PCDHGB1: variants seen among roughly 807,000 people sequenced by gnomAD.
The protein encoded by PCDHGB1 is protocadherin gamma-B1.
In PCDHGB1, 34 loss-of-function variants were observed where a neutral mutation model predicts 56.6. The ratio of observed to expected loss-of-function variants is 0.60; its 90% confidence interval spans 0.46 to 0.80. The LOEUF (loss-of-function observed/expected upper bound fraction) is 0.80. PCDHGB1 is among the 30% of genes least tolerant of loss of function. PCDHGB1 has a pLI of 0.00. For missense variants in PCDHGB1, 1,278 were observed against 1,204.6 expected (o/e 1.06, Z -0.90); for synonymous variants, 561 against 505.9 (o/e 1.11, Z -1.46).
At chr5:141,376,274 G>A (rs773118142) in intron 1 of PCDHGB1, 3 of 1,614,220 alleles carry the variant, frequency 1.9e-6, no homozygotes, top group Non-Finnish European at 1.7e-6. Flanking sequence ...TTCGGGAGGT[G>A]GCTTAGCGAG....
chr5:141,471,591 A>T (rs925105880), intron 1 of PCDHGB1: 1 of 152,294 alleles, frequency 6.6e-6, no homozygotes, highest in South Asian at 2.1e-4. Context: ...AGTAATTGAT[A>T]GTTTCAAAAT....
chr5:141,383,948 C>A, intron 1 of PCDHGB1: 1 of 1,613,600 alleles, frequency 6.2e-7, no homozygotes, highest in South Asian at 1.1e-5. Flanking sequence ...GTGACTATGA[C>A]GTCTTTAAGT....
intron 1 of PCDHGB1, among the ~76,000 whole-genome samples, chr5:141,369,797 C>G (rs1238211646): frequency 6.6e-6 from 1 of 152,214 alleles, no homozygotes; most frequent in East Asian, 1.9e-4. Context: ...ACTACGTCTT[C>G]TGCCATCACC....
intron 1 of PCDHGB1, among the ~76,000 whole-genome samples, chr5:141,446,571 G>C (rs1460375061): frequency 2.0e-5 from 3 of 152,058 alleles, no homozygotes; most frequent in African/African-American, 7.2e-5. Flanking sequence ...CTGCCTCCCA[G>C]GTTCAAGTGA....
chr5:141,356,912 G>A, intron 1 of PCDHGB1: 1 of 1,614,130 alleles, frequency 6.2e-7, no homozygotes, highest in Non-Finnish European at 8.5e-7. Flanking sequence ...CCTACTGATG[G>A]CTCCACTGGT....
chr5:141,440,401 C>T (rs1023628115), intron 1 of PCDHGB1: 4 of 152,088 alleles, frequency 2.6e-5, no homozygotes, highest in African/African-American at 7.3e-5. Context: ...GAGAGGCAAT[C>T]GCACCACTGC....
At chr5:141,355,525 C>G (rs372880202) in intron 1 of PCDHGB1, 3 of 1,613,910 alleles carry the variant, frequency 1.9e-6, no homozygotes, top group African/African-American at 2.7e-5. Flanking sequence ...CCTGGAGATT[C>G]TTCTAGAAGA....
chr5:141,418,867 A>T, intron 1 of PCDHGB1: 1 of 1,613,968 alleles, frequency 6.2e-7, no homozygotes, highest in Non-Finnish European at 8.5e-7. Context: ...TAATTGTAGA[A>T]GTTGTAGACG....
intron 1 of PCDHGB1, among the ~76,000 whole-genome samples, chr5:141,475,364 G>C (rs2099362607): frequency 6.6e-6 from 1 of 152,200 alleles, no homozygotes; most frequent in Admixed American, 6.5e-5. Flanking sequence ...AATAAAATCT[G>C]AATTGTACTT....
At chr5:141,389,600 C>T (rs748837518) in intron 1 of PCDHGB1, 28 of 1,613,080 alleles carry the variant, frequency 1.7e-5, no homozygotes, top group Non-Finnish European at 2.3e-5. Flanking sequence ...GCTCTGCGCT[C>T]TTCGATATGG....
In PCDHGB1 at chr5:141,422,662, G is replaced by A. The variant is rs771844166; in HGVS notation, c.2409+69993G>A. On this transcript the variant is annotated intron_variant, in intron 1 of 3. Transcript: ENST00000523390. Reference sequence around the variant, plus strand: ...CTCCATCTTCTCAGTGACCGCCCTCGACCCGGACAGCAAACAGAATGCCCT... The same window carrying A: ...CTCCATCTTCTCAGTGACCGCCCTCAACCCGGACAGCAAACAGAATGCCCT... 4 of 1,608,410 alleles carry A rather than the reference G, an allele frequency of 2.5e-6. No individual in the cohort carries two copies. In the South Asian group the frequency reaches 3.3e-5, roughly 13 times the overall value.
chr5:141,423,804 T>C (rs571396807), intron 1 of PCDHGB1: 50 of 1,240,508 alleles, frequency 4.0e-5, no homozygotes, highest in African/African-American at 2.7e-4. Flanking sequence ...GAGCAATACA[T>C]GTGAGTTTTA....
At chr5:141,481,229 A>T (rs989963485) in intron 1 of PCDHGB1, among the ~76,000 whole-genome samples, 1 of 152,212 alleles carries the variant, frequency 6.6e-6, no homozygotes, top group Non-Finnish European at 1.5e-5. Flanking sequence ...TCCCAGCCTT[A>T]AAGTATTACA....
chr5:141,409,914 G>T lies in PCDHGB1; in HGVS notation c.2409+57245G>T, dbSNP rs772848211. 58 of 1,613,230 alleles carry T rather than the reference G, an allele frequency of 3.6e-5. No homozygotes were observed. In the East Asian group the frequency reaches 1.2e-3, roughly 35 times the overall value. On this transcript the variant is annotated intron_variant, in intron 1 of 3. Transcript: ENST00000523390. ...CTGTACCCAGCTCTGGGTCCTGACGGCTCCGCGTTCTTCGATATGGTACCT... is the reference window on the plus strand; with the variant it reads ...CTGTACCCAGCTCTGGGTCCTGACGTCTCCGCGTTCTTCGATATGGTACCT...
At chr5:141,361,999 C>A in intron 1 of PCDHGB1, 9 of 1,603,024 alleles carry the variant, frequency 5.6e-6, no homozygotes, top group Non-Finnish European at 5.9e-6. Context: ...CCTGGGGTTG[C>A]GCACGGGTGA....
intron 1 of PCDHGB1, chr5:141,398,312 C>A: frequency 1.5e-6 from 2 of 1,355,208 alleles, no homozygotes; most frequent in East Asian, 2.5e-5. Flanking sequence ...CAGGAGTTAC[C>A]GACTCGAAAA....
chr5:141,419,939 G>C, intron 1 of PCDHGB1: 6 of 1,614,054 alleles, frequency 3.7e-6, no homozygotes, highest in Admixed American at 1.7e-5. Flanking sequence ...TTACCTGGTG[G>C]TGGCCTTGGC....
intron 1 of PCDHGB1, among the ~76,000 whole-genome samples, chr5:141,455,776 A>G (rs1386162201): frequency 6.6e-6 from 1 of 152,186 alleles, no homozygotes. Context: ...GGGCTTTAAA[A>G]GAAACTTTTC....
At position 141,489,870 on chromosome 5, in the gene PCDHGB1, G is replaced by T; in HGVS notation, c.2410-4937G>T. On this transcript the variant is annotated intron_variant, in intron 1 of 3. Transcript: ENST00000523390. The surrounding 1 kb of genome is among the most constrained non-coding windows in gnomAD (Gnocchi z 4.5). ...GTGAAGCCCAGGCAAGACATCAGCT[G>T]GTGCTTACTGCTGTGGATGGGGGGA... 1.2e-6 allele frequency: 2 copies of T among 1,614,220 alleles called. No individual in the cohort carries two copies. The highest frequency in any genetic ancestry group is 1.7e-6 in the Non-Finnish European group (2 of 1,180,024).
Sources: allele counts gnomAD v4.1 joint callset (sites outside exome capture counted in the v4.1 genomes callset), GRCh38; gene constraint gnomAD v4.1.1; non-coding constraint Gnocchi (gnomAD v3.1); transcripts MANE v1.5; gene names NCBI Gene and HGNC (gene_info 2026-07-23, HGNC 2026-07-21).